The following NLGN1 variants were observed in gnomAD, a reference collection of about 807,000 sequenced individuals.
The protein encoded by NLGN1 is neuroligin 1, also known as neuroligin-1.
A neutral mutation model predicts 65.5 loss-of-function variants in NLGN1; 12 were observed. The observed-to-expected ratio is 0.18, with a 90% CI of 0.12 to 0.30. The LOEUF is 0.30. Ranked by LOEUF, NLGN1 falls within the 10% of genes least tolerant of loss-of-function variation. The pLI is 1.00. For synonymous variants in NLGN1, 350 were observed against 359.5 expected, an observed-to-expected ratio of 0.97 and a Z score of 0.30; for missense variants, 750 against 1,007.1, an observed-to-expected ratio of 0.74 and a Z score of 3.46.
At chr3:173,536,377 AC>A (rs1394616542) in intron 2 of NLGN1, among the ~76,000 whole-genome samples, 5 of 152,114 alleles carry the variant, frequency 3.3e-5, no homozygotes, top group African/African-American at 1.2e-4. Context: ...CCATTTCCTT[AC>A]CTTTGTTCAC....
chr3:173,524,574 G>T (rs980705952), intron 2 of NLGN1, among the ~76,000 whole-genome samples: 1 of 152,162 alleles, frequency 6.6e-6, no homozygotes, highest in Non-Finnish European at 1.5e-5. Flanking sequence ...TTGCCTGTTT[G>T]CTCTGGCTAG....
chr3:173,768,197 A>G (rs943939006), intron 3 of NLGN1, among the ~76,000 whole-genome samples: 3 of 152,142 alleles, frequency 2.0e-5, no homozygotes, highest in African/African-American at 7.2e-5. Flanking sequence ...TTTGGGGGGA[A>G]AAAGTTACTG....
intron 4 of NLGN1, among the ~76,000 whole-genome samples, chr3:173,820,201 A>C (rs921391791): frequency 2.7e-5 from 4 of 150,352 alleles, no homozygotes; most frequent in Middle Eastern, 3.2e-3. Flanking sequence ...AAAAAAAAAA[A>C]AACGAGAAAG....
At chr3:173,500,124 T>C (rs570797172) in intron 2 of NLGN1, among the ~76,000 whole-genome samples, 1 of 152,296 alleles carries the variant, frequency 6.6e-6, no homozygotes, top group Non-Finnish European at 1.5e-5. Context: ...ATCCCTGTCT[T>C]GTGCCAGTTT....
At position 173,449,813 on chromosome 3, in the gene NLGN1, C is replaced by G. The variant is rs146103859; in HGVS notation, c.-321+14735C>G. Among the ~76,000 whole-genome samples the G allele has an allele frequency of 3.6e-3, 554 of 152,220 alleles. 2 individuals are homozygous for G. The highest frequency in any genetic ancestry group is 0.012 in the African/African-American group (483 of 41,542). On this transcript the variant is annotated intron_variant, in intron 2 of 6. Coordinates refer to ENST00000457714, the Ensembl canonical transcript of NLGN1. ...ATTGAATTGATCCCTTTGCCATTAT[C>G]TAATGGCCTTCTTTGTCTCTTTTGA...
intron 4 of NLGN1, among the ~76,000 whole-genome samples, chr3:173,956,554 G>C (rs1405560686): frequency 6.6e-6 from 1 of 152,092 alleles, no homozygotes; most frequent in Non-Finnish European, 1.5e-5. Flanking sequence ...GACATGATGT[G>C]GTAACCATCA....
intron 3 of NLGN1, among the ~76,000 whole-genome samples, chr3:173,784,975 CAAAAG>C (rs1781731339): frequency 6.6e-6 from 1 of 151,840 alleles, no homozygotes; most frequent in African/African-American, 2.4e-5. Flanking sequence ...TTAAACTAGA[CAAAAG>C]AATACACACA....
chr3:173,446,606 G>A (rs576182379), intron 2 of NLGN1, among the ~76,000 whole-genome samples: 3 of 152,272 alleles, frequency 2.0e-5, no homozygotes, highest in Non-Finnish European at 4.4e-5. Flanking sequence ...GGGTCAAATG[G>A]TATTTCTAGT....
At chr3:173,467,088 A>G (rs1351553763) in intron 2 of NLGN1, among the ~76,000 whole-genome samples, 3 of 152,154 alleles carry the variant, frequency 2.0e-5, no homozygotes, top group Non-Finnish European at 4.4e-5. Context: ...AACCAGTGTT[A>G]TCAAGATGAT....
chr3:174,108,051 G>A (rs184319606), intron 4 of NLGN1, among the ~76,000 whole-genome samples: 13 of 151,906 alleles, frequency 8.6e-5, no homozygotes, highest in East Asian at 1.9e-4. Flanking sequence ...GTAATATTTC[G>A]TTAAGTATGA....
intron 4 of NLGN1, among the ~76,000 whole-genome samples, chr3:173,812,430 AATAAGT>A (rs1218676755): frequency 6.6e-6 from 1 of 152,134 alleles, no homozygotes; most frequent in African/African-American, 2.4e-5. Flanking sequence ...AAATGGCAAC[AATAAGT>A]ATAACTTTAG....
chr3:173,740,683 C>T (rs956692535), intron 3 of NLGN1, among the ~76,000 whole-genome samples: 7 of 152,042 alleles, frequency 4.6e-5, no homozygotes, highest in African/African-American at 1.7e-4. Flanking sequence ...TGGTGACAGG[C>T]AATGACATCT....
At chr3:174,107,456 G>A (rs1035531676) in intron 4 of NLGN1, among the ~76,000 whole-genome samples, 1 of 152,098 alleles carries the variant, frequency 6.6e-6, no homozygotes, top group African/African-American at 2.4e-5. Context: ...AGGTGATTGT[G>A]TGTATTAATA....
intron 4 of NLGN1, among the ~76,000 whole-genome samples, chr3:174,102,283 T>C (rs80084518): frequency 6.6e-6 from 1 of 151,896 alleles, no homozygotes; most frequent in African/African-American, 2.4e-5. Flanking sequence ...AAGATGTTCA[T>C]TTTTTTTCCT....
chr3:173,719,057 A>G (rs1770363082), intron 3 of NLGN1, among the ~76,000 whole-genome samples: 1 of 152,182 alleles, frequency 6.6e-6, no homozygotes, highest in East Asian at 1.9e-4. Flanking sequence ...GACAGGCACC[A>G]TTCATGTTGT....
Position 174,094,664 on chromosome 3 carries a change from A to G in NLGN1, c.647-180651A>G, listed in dbSNP as rs537336418. ...ATATTCTTTAGGACCCCCATGTTATACCCTATTAAACCTTGATAAATATTC... is the reference window on the plus strand; with the variant it reads ...ATATTCTTTAGGACCCCCATGTTATGCCCTATTAAACCTTGATAAATATTC... On this transcript the variant is annotated intron_variant, in intron 4 of 6. Transcript: ENST00000457714. Among the ~76,000 whole-genome samples the G allele has an allele frequency of 8.0e-4, 119 of 149,468 alleles. 1 individual carries two copies. Among genetic ancestry groups the G allele is most frequent in the Non-Finnish European group, 1.4e-3 (97 of 67,688 alleles).
rs78112932 is a variant in NLGN1 at position 173,781,231 on chromosome 3, C to A, written c.494-26449C>A. ...CTCCATGTCACATACTGTACTCATACCCTAGAGAAAAAGCATTTAAAATAG... is the reference window on the plus strand; with the variant it reads ...CTCCATGTCACATACTGTACTCATAACCTAGAGAAAAAGCATTTAAAATAG... On this transcript the variant is annotated intron_variant, in intron 3 of 6. Coordinates refer to ENST00000457714, the Ensembl canonical transcript of NLGN1. Among the ~76,000 whole-genome samples, 1,013 of 151,442 alleles carry A rather than the reference C, an allele frequency of 6.7e-3. 16 individuals carry two copies. The highest frequency in any genetic ancestry group is 0.021 in the African/African-American group (886 of 41,274).
At chr3:173,569,727 C>T (rs1744317402) in intron 2 of NLGN1, among the ~76,000 whole-genome samples, 1 of 151,958 alleles carries the variant, frequency 6.6e-6, no homozygotes, top group African/African-American at 2.4e-5. Flanking sequence ...ACATCTCTGT[C>T]ATGGTCCTAG....
intron 4 of NLGN1, among the ~76,000 whole-genome samples, chr3:174,132,466 GA>G (rs1180367225): frequency 6.6e-6 from 1 of 151,918 alleles, no homozygotes; most frequent in African/African-American, 2.4e-5. Context: ...GACTGCTTCA[GA>G]AAAAAATCAG....
Sources: allele counts gnomAD v4.1 joint callset (sites outside exome capture counted in the v4.1 genomes callset), GRCh38; gene constraint gnomAD v4.1.1; transcripts MANE v1.5; gene names NCBI Gene and HGNC (gene_info 2026-07-23, HGNC 2026-07-21).